The following MLEC variants were observed in gnomAD, a reference collection of about 807,000 sequenced individuals.
MLEC encodes the protein malectin, also known as oligosaccharyltransferase complex subunit (non-catalytic).
A neutral mutation model predicts 28.7 loss-of-function variants in MLEC; 7 were observed. The ratio of observed to expected loss-of-function variants is 0.24; its 90% CI spans 0.14 to 0.46. The LOEUF is 0.46. MLEC is among the 20% of genes least tolerant of loss of function. The probability of loss-of-function intolerance (pLI) is 0.99; values close to 1 mark genes in which losing one functional copy is unlikely to be tolerated. For synonymous variants in MLEC, 142 were observed against 164.4 expected (o/e 0.86, Z 1.04); for missense variants, 237 against 391.1 (o/e 0.61, Z 3.32).
At chr12:120,695,304 C>A in intron 4 of MLEC, 152 bp downstream of exon 4, 2 of 836,764 alleles carry the variant, frequency 2.4e-6, no homozygotes, top group Non-Finnish European at 4.0e-6. Context: ...TGAAGCATAA[C>A]ATGGTACTAG....
At chr12:120,695,337 T>G (rs900682563) in intron 4 of MLEC, among the ~76,000 whole-genome samples, 185 bp downstream of exon 4, 3 of 152,252 alleles carry the variant, frequency 2.0e-5, no homozygotes, top group Non-Finnish European at 4.4e-5. Flanking sequence ...GAGTCAGGTC[T>G]ATGTATATCT....
chr12:120,692,947 G>A (rs1370767353), intron 1 of MLEC, among the ~76,000 whole-genome samples: 2 of 152,044 alleles, frequency 1.3e-5, no homozygotes, highest in African/African-American at 2.4e-5. Context: ...TCGGCCTGGC[G>A]CGGTGGCTCA....
intron 4 of MLEC, among the ~76,000 whole-genome samples, chr12:120,695,495 A>G (rs1470010615): frequency 6.6e-6 from 1 of 152,038 alleles, no homozygotes; most frequent in Admixed American, 6.5e-5. Flanking sequence ...TGTTTGTTTG[A>G]CATCTCTTTC....
Position 120,696,278 on chromosome 12 carries a change from T to C in MLEC, c.650-38T>C. On this transcript the variant is annotated intron_variant, in intron 4 of 4. Coordinates refer to ENST00000228506, the MANE Select transcript of MLEC (RefSeq NM_014730.4). The surrounding 1 kb of genome is among the most constrained non-coding windows in gnomAD (Gnocchi z 5.4). The stretch of plus-strand genomic sequence containing the variant: ...CTTTTAAGGGTCTCTCTTACTTAAA[T>C]GCTGTGGGTCTTAACAGTGTTTTCT... 1 of 1,608,446 alleles carries C rather than the reference T, an allele frequency of 6.2e-7. No homozygotes were observed. Among genetic ancestry groups the C allele is most frequent in the Non-Finnish European group, 8.5e-7 (1 of 1,177,206 alleles).
chr12:120,688,864 C>T (rs756493640), intron 1 of MLEC, among the ~76,000 whole-genome samples: 4 of 152,218 alleles, frequency 2.6e-5, no homozygotes, highest in Non-Finnish European at 5.9e-5. Context: ...ACTCAGGGCT[C>T]CAGTCTTTAG....
chr12:120,694,307 A>G lies in MLEC; in HGVS notation c.414+38A>G, dbSNP rs748734763. 1.7e-5 allele frequency: 27 copies of G among 1,600,224 alleles called. No homozygotes were observed. In the East Asian group the frequency reaches 5.8e-4, roughly 34 times the overall value. ...CAGGCTGCTGCTTGACCAGTAGGAC[A>G]TTGCTGCTCTTGGACAATCCACGAT... On this transcript the variant is annotated intron_variant, in intron 2 of 4. Coordinates refer to ENST00000228506, the MANE Select transcript of MLEC (RefSeq NM_014730.4). This position sits in a 1 kb window ranked among gnomAD's most constrained non-coding sequence, Gnocchi z 4.5.
chr12:120,694,189 G>C lies in MLEC; in HGVS notation c.334G>C (p.Glu112Gln). ...ERYNEETFGY[E>Q]VPIKEEGDYV... ...GTACAATGAGGAGACCTTTGGCTAC[G>C]AAGTGCCCATCAAAGAGGAGGGGGA... is the stretch of plus-strand genomic sequence containing the variant. Residue 112 changes from glutamate to glutamine, a missense_variant, in exon 2 of 5, where the codon GAA becomes CAA. Coordinates refer to ENST00000228506, the MANE Select transcript of MLEC (RefSeq NM_014730.4). The surrounding 1 kb of genome is among the most constrained non-coding windows in gnomAD (Gnocchi z 4.5). The C allele has an allele frequency of 6.2e-7, 1 of 1,614,188 alleles. No homozygotes were observed. Among genetic ancestry groups the C allele is most frequent in the South Asian group, 1.1e-5 (1 of 91,084 alleles).
chr12:120,691,782 G>A (rs1248547018), intron 1 of MLEC, among the ~76,000 whole-genome samples: 1 of 152,124 alleles, frequency 6.6e-6, no homozygotes, highest in African/African-American at 2.4e-5. Flanking sequence ...TTGTTCACAT[G>A]GTTGAGTTTT....
rs1475105383 is a variant in MLEC at position 120,700,436 on chromosome 12, G to C, written c.*3891G>C. 6.6e-6 allele frequency: 1 copy of C among 152,524 alleles called. No individual in the cohort carries two copies. The highest frequency in any genetic ancestry group is 2.4e-5 in the African/African-American group (1 of 41,402). 9.4% of individuals were successfully genotyped at this position (152,524 alleles called of 1,614,324 possible). A position where few individuals can be genotyped will look rare whatever the true frequency, so the allele number is the denominator to read the frequency against. On this transcript the variant is annotated 3_prime_UTR_variant, in exon 5 of 5. Coordinates refer to ENST00000228506, the MANE Select transcript of MLEC (RefSeq NM_014730.4). This position sits in a 1 kb window ranked among gnomAD's most constrained non-coding sequence, Gnocchi z 4.0. ...AGGTGAGCTTTCCAAAGTGAGAGAC[G>C]AATCTTTCTTTCTTTTTTTTTTTAA...
chr12:120,688,715 G>T (rs981122766), intron 1 of MLEC, among the ~76,000 whole-genome samples: 37 of 148,218 alleles, frequency 2.5e-4, no homozygotes, highest in African/African-American at 9.3e-4. Context: ...CAGTGTCCTG[G>T]AGTTTGTTAT....
In MLEC at chr12:120,694,706, C is replaced by A; in HGVS notation, c.415-118C>A. On this transcript the variant is annotated intron_variant, in intron 2 of 4. Coordinates refer to ENST00000228506, the MANE Select transcript of MLEC (RefSeq NM_014730.4). This position sits in a 1 kb window ranked among gnomAD's most constrained non-coding sequence, Gnocchi z 4.5. ...ATGCTAACCACCCTGGATATCCAGA[C>A]CCATCATTTCTTAAATTATTTTTGA... is the stretch of plus-strand genomic sequence containing the variant. 3 of 992,614 alleles carry A rather than the reference C, an allele frequency of 3.0e-6. No homozygotes were observed. The highest frequency in any genetic ancestry group is 3.0e-6 in the Non-Finnish European group (2 of 662,906). The allele number at this position is 992,614 out of a possible 1,614,324, so 61.5% of individuals were successfully genotyped here.
intron 1 of MLEC, among the ~76,000 whole-genome samples, chr12:120,690,947 C>A (rs1484902796): frequency 6.6e-6 from 1 of 152,204 alleles, no homozygotes; most frequent in African/African-American, 2.4e-5. Flanking sequence ...CGTGGGTTCG[C>A]TGTCTCAGCC....
rs73225028 is a variant in MLEC at position 120,697,311 on chromosome 12, G to T, written c.*766G>T. 0.039 allele frequency: 5,908 copies of T among 151,734 alleles called. 136 individuals are homozygous for T. Among genetic ancestry groups the T allele is most frequent in the Admixed American group, 0.066 (1,011 of 15,226 alleles). 9.4% of individuals were successfully genotyped at this position (151,734 alleles called of 1,614,324 possible). ...GGGGACTTGATTTCTTCTCAGTTTT[G>T]TTTGTTTGTTTGTTTCCTTAATCTG... On this transcript the variant is annotated 3_prime_UTR_variant, in exon 5 of 5. Coordinates refer to ENST00000228506, the MANE Select transcript of MLEC (RefSeq NM_014730.4). This position sits in a 1 kb window ranked among gnomAD's most constrained non-coding sequence, Gnocchi z 4.8.
chr12:120,692,201 A>C (rs1227435446), intron 1 of MLEC, among the ~76,000 whole-genome samples: 1 of 152,176 alleles, frequency 6.6e-6, no homozygotes, highest in Non-Finnish European at 1.5e-5. Context: ...TTCCCCACCC[A>C]TGCACAAAAT....
chr12:120,689,512 A>G (rs1566012218), intron 1 of MLEC, among the ~76,000 whole-genome samples: 1 of 152,188 alleles, frequency 6.6e-6, no homozygotes, highest in Non-Finnish European at 1.5e-5. Flanking sequence ...TGTCAGCTGC[A>G]GTTTGGACCA....
intron 4 of MLEC, among the ~76,000 whole-genome samples, chr12:120,695,539 T>C (rs1306866774): frequency 1.3e-5 from 2 of 152,240 alleles, no homozygotes; most frequent in East Asian, 3.8e-4. Flanking sequence ...AGGAGTCCTG[T>C]AGGCTTTTGG....
intron 1 of MLEC, among the ~76,000 whole-genome samples, chr12:120,689,204 G>GGTGTGT (rs63092860): frequency 4.4e-4 from 65 of 149,080 alleles, no homozygotes; most frequent in African/African-American, 1.4e-3. Flanking sequence ...TGATGCAGGT[G>GGTGTGT]GTGTGTGTGT....
rs1371262361 is a variant in MLEC, at chr12:120,687,265, C to A, written c.-32C>A. The A allele has an allele frequency of 7.4e-7, 1 of 1,358,256 alleles. No individual in the cohort carries two copies. Among genetic ancestry groups the A allele is most frequent in the South Asian group, 1.9e-5 (1 of 52,868 alleles). The allele number at this position is 1,358,256 out of a possible 1,614,324, so 84.1% of individuals were successfully genotyped here. ...CTGGCAGCCGGCCGAGGACGAGGGT[C>A]GGCGGGGGCTGCCCCCGTGGTGGTG... On this transcript the variant is annotated 5_prime_UTR_variant, in exon 1 of 5. Coordinates refer to ENST00000228506, the MANE Select transcript of MLEC (RefSeq NM_014730.4). The surrounding 1 kb of genome is among the most constrained non-coding windows in gnomAD (Gnocchi z 8.1).
chr12:120,699,730 C>G lies in MLEC; in HGVS notation c.*3185C>G, dbSNP rs537526206. 3.3e-4 allele frequency: 51 copies of G among 152,668 alleles called. No individual in the cohort carries two copies. The highest frequency in any genetic ancestry group is 5.3e-4 in the Non-Finnish European group (36 of 68,052). 9.5% of individuals were successfully genotyped at this position (152,668 alleles called of 1,614,324 possible). A position where few individuals can be genotyped will look rare whatever the true frequency, so the allele number is the denominator to read the frequency against. On this transcript the variant is annotated 3_prime_UTR_variant, in exon 5 of 5. Coordinates refer to ENST00000228506, the MANE Select transcript of MLEC (RefSeq NM_014730.4). ...GCGTTAGACTCCCAGGAAGACTAGC[C>G]CTGCCCACAGGGCCACCTGTTGGTT... is the stretch of plus-strand genomic sequence containing the variant.
Sources: allele counts gnomAD v4.1 joint callset (sites outside exome capture counted in the v4.1 genomes callset), GRCh38; gene constraint gnomAD v4.1.1; non-coding constraint Gnocchi (gnomAD v3.1); transcripts MANE v1.5; gene names NCBI Gene and HGNC (gene_info 2026-07-23, HGNC 2026-07-21).